RRP8: variants seen among roughly 807,000 people sequenced by gnomAD.
The protein encoded by RRP8 is ribosomal RNA-processing protein 8.
In RRP8, 48 loss-of-function variants were observed where a neutral mutation model predicts 45.0. The ratio of observed to expected loss-of-function variants is 1.07; its 90% CI spans 0.85 to 1.36. The LOEUF (loss-of-function observed/expected upper bound fraction) is 1.36, where lower values mean the gene tolerates loss of function less well. Among genes scored for constraint, RRP8 ranks in the 40% most tolerant of loss-of-function variants. The pLI is 0.00. For missense variants in RRP8, 658 were observed against 573.7 expected (o/e 1.15, Z -1.50); for synonymous variants, 274 against 212.4 (o/e 1.29, Z -2.52).
chr11:6,596,892 A>G lies in RRP8; in HGVS notation c.*3254T>C, dbSNP rs1038462552. The G allele has an allele frequency of 6.6e-6, 1 of 152,220 alleles. No individual in the cohort carries two copies. Among genetic ancestry groups the G allele is most frequent in the Non-Finnish European group, 1.5e-5 (1 of 68,028 alleles). The allele number at this position is 152,220 out of a possible 1,614,324, so 9.4% of individuals were successfully genotyped here. On this transcript the variant is annotated 3_prime_UTR_variant, in exon 7 of 7. Transcript: ENST00000254605. ...GAGAACTCTCAAAGGGATGCTGAAC[A>G]AGCATGAGGCACGGATAACCAAACC...
At chr11:6,601,725 T>G in intron 2 of RRP8, 123 bp from the exon 3 acceptor site, 1 of 1,476,806 alleles carries the variant, frequency 6.8e-7, no homozygotes, top group Non-Finnish European at 9.0e-7. Flanking sequence ...GAGAAGTACT[T>G]CTTATTGCCT....
intron 4 of RRP8, 36 bp downstream of exon 4, chr11:6,600,890 G>A: frequency 1.2e-6 from 2 of 1,613,730 alleles, no homozygotes; most frequent in Non-Finnish European, 1.7e-6. Flanking sequence ...ACGGAGGTTG[G>A]CCCTAGAGCA....
Position 6,602,079 on chromosome 11 carries a change from G to T in RRP8, c.236C>A (p.Ala79Glu), listed in dbSNP as rs746306115. The T allele has an allele frequency of 1.3e-5, 21 of 1,613,648 alleles. No individual in the cohort carries two copies. Among genetic ancestry groups the T allele is most frequent in the Non-Finnish European group, 1.8e-5 (21 of 1,179,660 alleles). ...EERKKKCPKK[A>E]SFASASAEVG... is the part of the protein sequence containing the mutation. ...TTCAGCAGAGGCACTGGCAAATGAT[G>T]CCTTTTTGGGGCATTTCTTCTTCCT... The change falls in exon 2 of 7, where the codon GCA (alanine) becomes GAA (glutamate). Residue 79 changes from alanine to glutamate, a missense_variant. Transcript: ENST00000254605.
rs776564635 is a variant in RRP8, at chr11:6,603,400, T to A, written c.99+4A>T. The stretch of plus-strand genomic sequence containing the variant: ...AGCTCCCATTGCTCCCGCGAGTCAC[T>A]CACCTTGTTTTGCGAGGAGGCCGCA... On this transcript the variant is annotated splice_donor_region_variant and intron_variant, in intron 1 of 6. Transcript: ENST00000254605. 1 of 1,596,300 alleles carries A rather than the reference T, an allele frequency of 6.3e-7. No individual in the cohort carries two copies. The highest frequency in any genetic ancestry group is 1.7e-5 in the Admixed American group (1 of 57,856).
chr11:6,600,854 G>C, intron 4 of RRP8, 72 bp downstream of exon 4: 1 of 1,611,430 alleles, frequency 6.2e-7, no homozygotes, highest in South Asian at 1.1e-5. Context: ...GATGGGAAAG[G>C]GGAAGGAAGG....
rs533864379 is a variant in RRP8 at position 6,601,607 on chromosome 11, A to C, written c.464-5T>G. Reference sequence around the variant, plus strand: ...TACCCTTCCAGGCTTTGGGACCTACAGGGAGGGAGATGGGAAGGTGCACAT... The same window carrying C: ...TACCCTTCCAGGCTTTGGGACCTACCGGGAGGGAGATGGGAAGGTGCACAT... On this transcript the variant is annotated splice_region_variant and splice_polypyrimidine_tract_variant and intron_variant, in intron 2 of 6. Transcript: ENST00000254605. The C allele has an allele frequency of 6.3e-7, 1 of 1,594,892 alleles. No individual in the cohort carries two copies. Among genetic ancestry groups the C allele is most frequent in the Admixed American group, 1.7e-5 (1 of 59,376 alleles).
At position 6,595,723 on chromosome 11, in the gene RRP8, T is replaced by C. The variant is rs941762380; in HGVS notation, c.*4423A>G. ...GCATCTGGCAAGATAATTAAATATC[T>C]GAAACACCCTGAAGGAAACAAAGAG... is the stretch of plus-strand genomic sequence containing the variant. On this transcript the variant is annotated 3_prime_UTR_variant, in exon 7 of 7. Transcript: ENST00000254605. 1.3e-5 allele frequency: 2 copies of C among 152,170 alleles called. No homozygotes were observed. Among genetic ancestry groups the C allele is most frequent in the African/African-American group, 4.8e-5 (2 of 41,426 alleles). The allele number at this position is 152,170 out of a possible 1,614,324, so 9.4% of individuals were successfully genotyped here. A position where few individuals can be genotyped will look rare whatever the true frequency, so the allele number is the denominator to read the frequency against.
rs578158446 is a variant in RRP8, at chr11:6,600,126, T to C, written c.*20A>G. 1.3e-6 allele frequency: 2 copies of C among 1,486,100 alleles called. No homozygotes were observed. The highest frequency in any genetic ancestry group is 4.3e-5 in the Admixed American group (2 of 46,630). The allele number at this position is 1,486,100 out of a possible 1,614,324, so 92.1% of individuals were successfully genotyped here. A position where few individuals can be genotyped will look rare whatever the true frequency, so the allele number is the denominator to read the frequency against. ...CCTGGAGTTTGAGATCTGCCTCCCC[T>C]TTCAAGGAAGATCCAGAGGTCACCT... is the stretch of plus-strand genomic sequence containing the variant. On this transcript the variant is annotated 3_prime_UTR_variant, in exon 7 of 7. Coordinates refer to ENST00000254605, the MANE Select transcript of RRP8 (RefSeq NM_015324.4).
rs760656118 is a variant in RRP8 at position 6,602,233 on chromosome 11, A to T, written c.100-18T>A. 6.5e-7 allele frequency: 1 copy of T among 1,532,764 alleles called. No homozygotes were observed. The highest frequency in any genetic ancestry group is 8.7e-7 in the Non-Finnish European group (1 of 1,146,508). The allele number at this position is 1,532,764 out of a possible 1,614,324, so 94.9% of individuals were successfully genotyped here. On this transcript the variant is annotated intron_variant, in intron 1 of 6. Transcript: ENST00000254605. ...TTGGAGCCCTGGAGGAAAACAGGGG[A>T]TGACAGTGGGCCTAAAGAGAATGGA...
Position 6,599,987 on chromosome 11 carries a change from G to C in RRP8, c.*159C>G. ...ACTTTATGCATCTTATAACCAAGAA[G>C]CCTTCAGTAGAGCAAGTCTGAGCCA... On this transcript the variant is annotated 3_prime_UTR_variant, in exon 7 of 7. Coordinates refer to ENST00000254605, the MANE Select transcript of RRP8 (RefSeq NM_015324.4). 1 of 470,318 alleles carries C rather than the reference G, an allele frequency of 2.1e-6. No individual in the cohort carries two copies. Among genetic ancestry groups the C allele is most frequent in the South Asian group, 4.6e-5 (1 of 21,954 alleles). 29.1% of individuals were successfully genotyped at this position (470,318 alleles called of 1,614,324 possible).
In RRP8 at chr11:6,599,322, A is replaced by G. The variant is rs888479250; in HGVS notation, c.*824T>C. Reference sequence around the variant, plus strand: ...CCCTGGCTACAGATTTCTCCAGTTAACCCACACAACCACCCTGCAAGACAA... The same window carrying G: ...CCCTGGCTACAGATTTCTCCAGTTAGCCCACACAACCACCCTGCAAGACAA... On this transcript the variant is annotated 3_prime_UTR_variant, in exon 7 of 7. Coordinates refer to ENST00000254605, the MANE Select transcript of RRP8 (RefSeq NM_015324.4). 2.0e-5 allele frequency: 3 copies of G among 152,256 alleles called. No homozygotes were observed. Among genetic ancestry groups the G allele is most frequent in the Non-Finnish European group, 4.4e-5 (3 of 68,078 alleles). The allele number at this position is 152,256 out of a possible 1,614,324, so 9.4% of individuals were successfully genotyped here. A position where few individuals can be genotyped will look rare whatever the true frequency, so the allele number is the denominator to read the frequency against.
chr11:6,600,612 G>T, intron 5 of RRP8, 30 bp from the exon 6 acceptor site: 1 of 1,604,154 alleles, frequency 6.2e-7, no homozygotes, highest in Non-Finnish European at 8.5e-7. Flanking sequence ...CTGTGTAAGT[G>T]CACAGACTCA....
chr11:6,602,281 G>A, intron 1 of RRP8, 66 bp from the exon 2 acceptor site: 1 of 1,477,128 alleles, frequency 6.8e-7, no homozygotes, highest in South Asian at 1.4e-5. Flanking sequence ...AACAAGAAGG[G>A]AGAGATGTGG....
Position 6,601,430 on chromosome 11 carries a change from T to G in RRP8, c.636A>C (p.Pro212=). 1 of 1,614,204 alleles carries G rather than the reference T, an allele frequency of 6.2e-7. No individual in the cohort carries two copies. The highest frequency in any genetic ancestry group is 8.5e-7 in the Non-Finnish European group (1 of 1,180,048). ...FQPPQVPDQA[P]AEAPTEKTEV... ...CTGTCTTCTCTGTGGGGGCCTCAGCTGGGGCCTGGTCTGGCACCTGAGGTG... is the reference window on the plus strand; with the variant it reads ...CTGTCTTCTCTGTGGGGGCCTCAGCGGGGGCCTGGTCTGGCACCTGAGGTG... The change falls in exon 3 of 7, where the codon CCA becomes CCC. Residue 212 remains proline, a synonymous_variant. Coordinates refer to ENST00000254605, the MANE Select transcript of RRP8 (RefSeq NM_015324.4).
At chr11:6,600,896 G>A in intron 4 of RRP8, 30 bp downstream of exon 4, 1 of 1,613,840 alleles carries the variant, frequency 6.2e-7, no homozygotes, top group Non-Finnish European at 8.5e-7. Context: ...GTTGGCCCTA[G>A]AGCACAAGCC....
chr11:6,603,585 T>G lies in RRP8; in HGVS notation c.-83A>C, dbSNP rs979856793. 4 of 852,680 alleles carry G rather than the reference T, an allele frequency of 4.7e-6. No homozygotes were observed. Among genetic ancestry groups the G allele is most frequent in the Admixed American group, 3.3e-5 (1 of 30,546 alleles). 52.8% of individuals were successfully genotyped at this position (852,680 alleles called of 1,614,324 possible). A position where few individuals can be genotyped will look rare whatever the true frequency, so the allele number is the denominator to read the frequency against. On this transcript the variant is annotated 5_prime_UTR_variant, in exon 1 of 7. Transcript: ENST00000254605. ...CTCTGGAAGTCGGAGCGCTCAGACCTGCCAGAACCGACCCGGAAACCAAAG... is the reference window on the plus strand; with the variant it reads ...CTCTGGAAGTCGGAGCGCTCAGACCGGCCAGAACCGACCCGGAAACCAAAG...
At position 6,601,610 on chromosome 11, in the gene RRP8, G is replaced by T. The variant is rs1292858027; in HGVS notation, c.464-8C>A. The T allele has an allele frequency of 6.3e-7, 1 of 1,593,880 alleles. No individual in the cohort carries two copies. The highest frequency in any genetic ancestry group is 8.5e-7 in the Non-Finnish European group (1 of 1,176,168). On this transcript the variant is annotated splice_region_variant and splice_polypyrimidine_tract_variant and intron_variant, in intron 2 of 6. Transcript: ENST00000254605. Reference sequence around the variant, plus strand: ...CCTTCCAGGCTTTGGGACCTACAGGGAGGGAGATGGGAAGGTGCACATGAG... The same window carrying T: ...CCTTCCAGGCTTTGGGACCTACAGGTAGGGAGATGGGAAGGTGCACATGAG...
At position 6,603,452 on chromosome 11, in the gene RRP8, A is replaced by C. The variant is rs959357152; in HGVS notation, c.51T>G (p.Leu17=). Reference sequence around the variant, plus strand: ...GCGGAGGTCGTGAGATTACGGGCCCAAGGCCCGCGGCTACTGGGGCCGCCT... The same window carrying C: ...GCGGAGGTCGTGAGATTACGGGCCCCAGGCCCGCGGCTACTGGGGCCGCCT... ...WAEAAPVAAG[L]GPVISRPPPA... Residue 17 remains leucine, a synonymous_variant, in exon 1 of 7, where the codon CTT becomes CTG. Transcript: ENST00000254605. The C allele has an allele frequency of 2.9e-5, 47 of 1,604,708 alleles. No individual in the cohort carries two copies. Among genetic ancestry groups the C allele is most frequent in the Non-Finnish European group, 4.0e-5 (47 of 1,176,736 alleles).
rs1441316686 is a variant in RRP8 at position 6,596,010 on chromosome 11, AAG to A, written c.*4134_*4135del. 1 of 152,222 alleles carries A rather than the reference AAG, an allele frequency of 6.6e-6. No individual in the cohort carries two copies. Among genetic ancestry groups the A allele is most frequent in the East Asian group, 1.9e-4 (1 of 5,200 alleles). 9.4% of individuals were successfully genotyped at this position (152,222 alleles called of 1,614,324 possible). On this transcript the variant is annotated 3_prime_UTR_variant, in exon 7 of 7. Transcript: ENST00000254605. The stretch of plus-strand genomic sequence containing the variant: ...AAGGTTACCTTGAAGAGGAAGGAGG[AAG>A]AGAATAATGGAAATGGCTCAGCCAC...
Sources: allele counts gnomAD v4.1 joint callset, GRCh38; gene constraint gnomAD v4.1.1; transcripts MANE v1.5; gene names NCBI Gene and HGNC (gene_info 2026-07-23, HGNC 2026-07-21).